SCARA3: variants seen among roughly 807,000 people sequenced by gnomAD.
SCARA3 encodes scavenger receptor class A member 3, also known as cellular stress response gene protein.
In SCARA3, 39 loss-of-function variants were observed where a neutral mutation model predicts 47.0. That is an observed-to-expected ratio of 0.83 (90% CI 0.64 to 1.08). The LOEUF is 1.08. Ranked by LOEUF, SCARA3 falls within the 50% of genes least tolerant of loss-of-function variation. SCARA3 has a pLI of 0.00. For synonymous variants in SCARA3, 356 were observed against 334.1 expected (o/e 1.07, Z -0.71); for missense variants, 724 against 792.3 (o/e 0.91, Z 1.04).
rs139834620 is a variant in SCARA3 at position 27,658,843 on chromosome 8, T to C, written c.673T>C (p.Phe225Leu). 225 of 1,614,136 alleles carry C rather than the reference T, an allele frequency of 1.4e-4. 2 individuals are homozygous for C. The Middle Eastern group carries it at 1.5e-3, about 11-fold the overall frequency. Residue 225 changes from phenylalanine to leucine, a missense_variant, in exon 5 of 6, where the codon TTC becomes CTC. Transcript: ENST00000301904. ...DVKAAVHQINFTVGQTSEWIH... is the reference protein window; with the variant it reads ...DVKAAVHQINLTVGQTSEWIH... Reference sequence around the variant, plus strand: ...CAAGGCTGCAGTGCACCAGATCAACTTCACCGTGGGGCAGACTTCCGAGTG... The same window carrying C: ...CAAGGCTGCAGTGCACCAGATCAACCTCACCGTGGGGCAGACTTCCGAGTG...
chr8:27,639,688 C>T (rs983446471), intron 1 of SCARA3, among the ~76,000 whole-genome samples: 3 of 152,116 alleles, frequency 2.0e-5, no homozygotes, highest in African/African-American at 7.2e-5. Context: ...TCTCTCGTGG[C>T]CTTAGCCCAT....
At chr8:27,654,661 A>C (rs1345442555) in intron 3 of SCARA3, among the ~76,000 whole-genome samples, 1 of 152,134 alleles carries the variant, frequency 6.6e-6, no homozygotes, top group Non-Finnish European at 1.5e-5. Context: ...CTGGCGGCAC[A>C]TGCCAGTAGT....
At chr8:27,706,882 T>C in the SCARA3 span, among the ~76,000 whole-genome samples, 2 of 151,870 alleles carry the variant, frequency 1.3e-5, no homozygotes, top group African/African-American at 2.4e-5. Context: ...GCTCAGAACG[T>C]GAAGGCACCA....
intron 1 of SCARA3, among the ~76,000 whole-genome samples, chr8:27,645,425 G>A (rs894213209): frequency 2.0e-5 from 3 of 152,254 alleles, no homozygotes; most frequent in Admixed American, 6.5e-5. Flanking sequence ...TGCTAGGAGC[G>A]TGACCTGTCA....
the SCARA3 span, among the ~76,000 whole-genome samples, chr8:27,712,251 T>C: frequency 1.2e-4 from 18 of 152,168 alleles, no homozygotes; most frequent in Non-Finnish European, 2.9e-5. Flanking sequence ...CTTCTTTCTG[T>C]TAGTAATATG....
At chr8:27,690,576 G>A in the SCARA3 span, among the ~76,000 whole-genome samples, 1 of 152,114 alleles carries the variant, frequency 6.6e-6, no homozygotes, top group Non-Finnish European at 1.5e-5. Flanking sequence ...AAAGTAATAA[G>A]ACAGCTCTTT....
At chr8:27,700,546 G>A in the SCARA3 span, among the ~76,000 whole-genome samples, 1 of 151,810 alleles carries the variant, frequency 6.6e-6, no homozygotes, top group Non-Finnish European at 1.5e-5. Context: ...GGTGGAAGTT[G>A]CAGTGAGCTG....
chr8:27,642,414 G>A (rs1237873013), intron 1 of SCARA3, among the ~76,000 whole-genome samples: 2 of 152,148 alleles, frequency 1.3e-5, no homozygotes, highest in African/African-American at 2.4e-5. Flanking sequence ...TGAAGCGGAC[G>A]ATCTCCCCAC....
chr8:27,637,677 G>T (rs1287983400), intron 1 of SCARA3, among the ~76,000 whole-genome samples: 1 of 152,004 alleles, frequency 6.6e-6, no homozygotes, highest in Non-Finnish European at 1.5e-5. Flanking sequence ...AGGGCAGGGG[G>T]CAGCCCTCTG....
downstream of SCARA3, among the ~76,000 whole-genome samples, chr8:27,675,104 A>G (rs1585302656): frequency 2.6e-5 from 4 of 152,114 alleles, no homozygotes; most frequent in Admixed American, 2.6e-4. Flanking sequence ...GTGCCTCTAA[A>G]AACCCCAGGC....
chr8:27,713,651 CT>C, the SCARA3 span, among the ~76,000 whole-genome samples: 1 of 152,164 alleles, frequency 6.6e-6, no homozygotes, highest in Admixed American at 6.5e-5. Context: ...CTGTGTCTCT[CT>C]GAGTTGTCCC....
At chr8:27,663,767 G>A (rs1247231822) in intron 5 of SCARA3, among the ~76,000 whole-genome samples, 7 of 152,132 alleles carry the variant, frequency 4.6e-5, no homozygotes, top group Non-Finnish European at 8.8e-5. Context: ...ATCCCTACCC[G>A]CCACTGACAC....
the SCARA3 span, among the ~76,000 whole-genome samples, chr8:27,729,235 A>G: frequency 2.6e-5 from 4 of 152,188 alleles, no homozygotes; most frequent in Non-Finnish European, 5.9e-5. Context: ...AGCTCTTTCA[A>G]TGCACTTTAC....
the SCARA3 span, among the ~76,000 whole-genome samples, chr8:27,714,427 TTG>T: frequency 3.9e-5 from 6 of 151,988 alleles, no homozygotes; most frequent in Non-Finnish European, 7.4e-5. Flanking sequence ...ACTCCTGACC[TTG>T]TGATCCACCC....
chr8:27,730,540 G>C, the SCARA3 span, among the ~76,000 whole-genome samples: 1 of 150,282 alleles, frequency 6.7e-6, no homozygotes, highest in Non-Finnish European at 1.5e-5. Context: ...CTGGAGTGCA[G>C]TGGTGAGATA....
the SCARA3 span, among the ~76,000 whole-genome samples, chr8:27,730,594 C>T: frequency 6.6e-6 from 1 of 151,940 alleles, no homozygotes; most frequent in African/African-American, 2.4e-5. Flanking sequence ...AGCAATCCTC[C>T]CACCTCAGCC....
At chr8:27,721,940 T>C in the SCARA3 span, among the ~76,000 whole-genome samples, 6 of 151,928 alleles carry the variant, frequency 3.9e-5, no homozygotes, top group Non-Finnish European at 8.8e-5. Context: ...AATACAAAAA[T>C]TAGCCAGGAG....
the SCARA3 span, among the ~76,000 whole-genome samples, chr8:27,713,646 T>C: frequency 6.6e-6 from 1 of 152,190 alleles, no homozygotes; most frequent in Non-Finnish European, 1.5e-5. Context: ...AGGTTCTGTG[T>C]CTCTCTGAGT....
intron 5 of SCARA3, 71 bp from the exon 6 acceptor site, chr8:27,670,829 C>G (rs977342781): frequency 2.5e-5 from 34 of 1,336,762 alleles, no homozygotes; most frequent in African/African-American, 3.0e-5. Context: ...CGTGCCCGCT[C>G]TGCTCATGGG....
Sources: allele counts gnomAD v4.1 joint callset (sites outside exome capture counted in the v4.1 genomes callset), GRCh38; gene constraint gnomAD v4.1.1; transcripts MANE v1.5; gene names NCBI Gene and HGNC (gene_info 2026-07-23, HGNC 2026-07-21).